MNAT1: variants seen among roughly 807,000 people sequenced by gnomAD.
MNAT1 encodes MNAT1 component of CDK activating kinase.
A neutral mutation model predicts 42.0 loss-of-function variants in MNAT1; 43 were observed. The observed-to-expected ratio is 1.02, with a 90% confidence interval of 0.80 to 1.32. The LOEUF is 1.32. MNAT1 is among the 40% of genes most tolerant of loss of function. MNAT1 has a pLI of 0.00. For synonymous variants in MNAT1, 118 were observed against 120.0 expected (o/e 0.98, Z 0.11); for missense variants, 306 against 350.4 (o/e 0.87, Z 1.01).
chr14:60,825,823 T>C (rs1242100374), intron 6 of MNAT1, among the ~76,000 whole-genome samples: 1 of 152,076 alleles, frequency 6.6e-6, no homozygotes, highest in Non-Finnish European at 1.5e-5. Flanking sequence ...CCTAGGTAAT[T>C]TAAGGGGCAG....
At chr14:60,851,693 C>T (rs2033824199) in intron 6 of MNAT1, among the ~76,000 whole-genome samples, 1 of 152,060 alleles carries the variant, frequency 6.6e-6, no homozygotes, top group South Asian at 2.1e-4. Flanking sequence ...TAATGCTCTC[C>T]TTCCCCTTGC....
intron 7 of MNAT1, among the ~76,000 whole-genome samples, chr14:60,935,053 C>T (rs969890868): frequency 6.6e-6 from 1 of 152,184 alleles, no homozygotes; most frequent in Non-Finnish European, 1.5e-5. Context: ...AGTAGCCTAA[C>T]TTCTTTAATT....
intron 6 of MNAT1, among the ~76,000 whole-genome samples, chr14:60,853,525 A>C (rs2033879218): frequency 6.6e-6 from 1 of 152,110 alleles, no homozygotes; most frequent in African/African-American, 2.4e-5. Flanking sequence ...TTCCTATTCA[A>C]ATACTCTTTA....
intron 7 of MNAT1, among the ~76,000 whole-genome samples, chr14:60,900,680 G>A (rs375226530): frequency 3.9e-5 from 6 of 152,244 alleles, no homozygotes; most frequent in East Asian, 3.9e-4. Context: ...TGAAACATCC[G>A]TCTATTGGAA....
chr14:60,925,798 A>G (rs1395528679), intron 7 of MNAT1, among the ~76,000 whole-genome samples: 1 of 152,046 alleles, frequency 6.6e-6, no homozygotes, highest in Non-Finnish European at 1.5e-5. Flanking sequence ...GGCTTCTTTC[A>G]TGTTTTTGAG....
intron 1 of MNAT1, among the ~76,000 whole-genome samples, chr14:60,776,133 G>A (rs1037654015): frequency 6.6e-5 from 10 of 152,192 alleles, no homozygotes; most frequent in Non-Finnish European, 1.5e-4. Flanking sequence ...CAAAGGATTG[G>A]TTTTAATTCT....
chr14:60,909,243 G>A (rs1210545421), intron 7 of MNAT1, among the ~76,000 whole-genome samples: 10 of 152,088 alleles, frequency 6.6e-5, no homozygotes, highest in South Asian at 2.1e-4. Context: ...AGATGAGTAG[G>A]TTGCAAAAAT....
intron 6 of MNAT1, among the ~76,000 whole-genome samples, chr14:60,864,384 A>G (rs2034160788): frequency 6.6e-6 from 1 of 152,022 alleles, no homozygotes; most frequent in African/African-American, 2.4e-5. Flanking sequence ...CATCTACCAA[A>G]TGTTTAATAA....
At position 60,740,367 on chromosome 14, in the gene MNAT1, A is replaced by G. The variant is rs370664950; in HGVS notation, c.89+5416A>G. Among the ~76,000 whole-genome samples, 845 of 151,106 alleles carry G rather than the reference A, an allele frequency of 5.6e-3. 7 individuals carry two copies. The highest frequency in any genetic ancestry group is 0.021 in the South Asian group (98 of 4,762). On this transcript the variant is annotated intron_variant, in intron 1 of 7. Coordinates refer to ENST00000261245, the MANE Select transcript of MNAT1 (RefSeq NM_002431.4). This position sits in a 1 kb window ranked among gnomAD's most constrained non-coding sequence, Gnocchi z 4.1. The stretch of plus-strand genomic sequence containing the variant: ...TTTTCCCTTTTTTTTCTGTTCTCCT[A>G]TTTCTCTCTCATTTACTGATGTTAC...
At chr14:60,869,042 T>TATATATA (rs1336981892) in intron 6 of MNAT1, among the ~76,000 whole-genome samples, 14 of 79,098 alleles carry the variant, frequency 1.8e-4, no homozygotes, top group African/African-American at 6.0e-4. Context: ...ATATATATAT[T>TATATATA]TTTTTTTTTT....
At chr14:60,907,534 C>T (rs1282251273) in intron 7 of MNAT1, among the ~76,000 whole-genome samples, 1 of 151,066 alleles carries the variant, frequency 6.6e-6, no homozygotes, top group Non-Finnish European at 1.5e-5. Flanking sequence ...TTGAAAGTTC[C>T]TAGAATCAGG....
chr14:60,903,911 C>T (rs574780212), intron 7 of MNAT1, among the ~76,000 whole-genome samples: 13 of 123,932 alleles, frequency 1.0e-4, no homozygotes, highest in South Asian at 2.6e-4. Context: ...TTCTCTCTGT[C>T]GCCTGGCTGG....
chr14:60,909,073 G>A (rs1344051418), intron 7 of MNAT1, among the ~76,000 whole-genome samples: 6 of 152,218 alleles, frequency 3.9e-5, no homozygotes, highest in African/African-American at 1.4e-4. Context: ...CTGATGGCCA[G>A]TGATGATTAG....
At chr14:60,843,874 A>T (rs557625017) in intron 6 of MNAT1, among the ~76,000 whole-genome samples, 1 of 152,126 alleles carries the variant, frequency 6.6e-6, no homozygotes, top group South Asian at 2.1e-4. Flanking sequence ...CCTTCCCCCA[A>T]GTCACAACGA....
intron 7 of MNAT1, among the ~76,000 whole-genome samples, chr14:60,961,119 T>G (rs540501092): frequency 2.0e-5 from 3 of 152,266 alleles, no homozygotes; most frequent in African/African-American, 7.2e-5. Flanking sequence ...TGCGCCTCTG[T>G]GTCCAGCTGA....
At chr14:60,893,747 C>T (rs2034892213) in intron 7 of MNAT1, among the ~76,000 whole-genome samples, 1 of 151,936 alleles carries the variant, frequency 6.6e-6, no homozygotes, top group Admixed American at 6.6e-5. Context: ...CTTGTTCTAC[C>T]CTCTAGTTTT....
Position 60,969,722 on chromosome 14 carries a change from G to A in MNAT1, c.*1373G>A, listed in dbSNP as rs2036747912. The A allele has an allele frequency of 6.6e-6, 1 of 152,062 alleles. No homozygotes were observed. Among genetic ancestry groups the A allele is most frequent in the South Asian group, 2.1e-4 (1 of 4,830 alleles). 9.4% of individuals were successfully genotyped at this position (152,062 alleles called of 1,614,324 possible). A position where few individuals can be genotyped will look rare whatever the true frequency, so the allele number is the denominator to read the frequency against. On this transcript the variant is annotated 3_prime_UTR_variant, in exon 8 of 8. Transcript: ENST00000261245. The stretch of plus-strand genomic sequence containing the variant: ...AGTCTATAAATCTGTTCAAAGAATA[G>A]TTAGAACATTGAATGTAGAGTTAAG...
intron 7 of MNAT1, among the ~76,000 whole-genome samples, chr14:60,964,794 G>C (rs555341724): frequency 2.0e-3 from 299 of 152,310 alleles, no homozygotes; most frequent in Admixed American, 3.5e-3. Context: ...TAATGGTCAT[G>C]AAAGAATAAA....
chr14:60,924,958 A>G (rs2035735927), intron 7 of MNAT1, among the ~76,000 whole-genome samples: 1 of 152,194 alleles, frequency 6.6e-6, no homozygotes. Flanking sequence ...TTTGCACATG[A>G]TTTTTCCCAG....
Sources: gnomAD v4.1 joint callset for allele counts (sites outside exome capture counted in the v4.1 genomes callset) on GRCh38, gnomAD v4.1.1 for gene constraint, Gnocchi (gnomAD v3.1) non-coding constraint, MANE v1.5 for transcripts, NCBI Gene and HGNC (gene_info 2026-07-23, HGNC 2026-07-21) for gene names.